Variants in MYLK3 observed in about 807,000 individuals in gnomAD.
The protein encoded by MYLK3 is myosin light chain kinase 3.
In MYLK3, 55 loss-of-function variants were observed where a neutral mutation model predicts 76.3. That is an observed-to-expected ratio of 0.72 (90% confidence interval 0.58 to 0.90). The LOEUF (loss-of-function observed/expected upper bound fraction) is 0.90, where lower values mean the gene tolerates loss of function less well. Ranked by LOEUF, MYLK3 falls within the 40% of genes least tolerant of loss-of-function variation. The pLI is 0.00. For missense variants in MYLK3, 973 were observed against 1,053.6 expected (o/e 0.92, Z 1.06); for synonymous variants, 416 against 425.4 (o/e 0.98, Z 0.27).
At chr16:46,724,233 T>C (rs1023307919) in intron 8 of MYLK3, among the ~76,000 whole-genome samples, 2 of 152,242 alleles carry the variant, frequency 1.3e-5, no homozygotes, top group African/African-American at 4.8e-5. Context: ...TTGGAAATAT[T>C]TTCTCCCATT....
intron 2 of MYLK3, among the ~76,000 whole-genome samples, chr16:46,739,527 A>T (rs541536698): frequency 6.6e-6 from 1 of 152,198 alleles, no homozygotes; most frequent in East Asian, 1.9e-4. Flanking sequence ...TCTGCCACCA[A>T]GACAACAAGA....
chr16:46,733,247 C>T (rs1966856359), intron 3 of MYLK3, among the ~76,000 whole-genome samples: 1 of 152,218 alleles, frequency 6.6e-6, no homozygotes, highest in Non-Finnish European at 1.5e-5. Flanking sequence ...CCCAGATACT[C>T]AGGAGGCTGA....
At chr16:46,757,229 G>A (rs1967212328) in intron 1 of MYLK3, among the ~76,000 whole-genome samples, 1 of 152,146 alleles carries the variant, frequency 6.6e-6, no homozygotes, top group South Asian at 2.1e-4. Flanking sequence ...ACCACACGAT[G>A]CATTTGTTGC....
At position 46,730,573 on chromosome 16, in the gene MYLK3, C is replaced by G. The variant is rs553714950; in HGVS notation, c.1568+20G>C. On this transcript the variant is annotated intron_variant, in intron 5 of 12. Coordinates refer to ENST00000394809, the MANE Select transcript of MYLK3 (RefSeq NM_182493.3). ...TGACTCCTGCTCTAAGCCCCCCAACCAAGGCAGATGCCCACCTACCCTCCC... is the reference window on the plus strand; with the variant it reads ...TGACTCCTGCTCTAAGCCCCCCAACGAAGGCAGATGCCCACCTACCCTCCC... 6.8e-6 allele frequency: 11 copies of G among 1,607,794 alleles called. No individual in the cohort carries two copies. The South Asian group carries it at 1.2e-4, about 18-fold the overall frequency.
intron 8 of MYLK3, 43 bp downstream of exon 8, chr16:46,727,193 A>T: frequency 6.3e-7 from 1 of 1,599,050 alleles, no homozygotes; most frequent in Middle Eastern, 1.7e-4. Flanking sequence ...GCCAGGAGCT[A>T]GGACACCAGG....
At chr16:46,717,820 CA>C (rs897993613) in intron 9 of MYLK3, among the ~76,000 whole-genome samples, 4 of 152,232 alleles carry the variant, frequency 2.6e-5, no homozygotes, top group African/African-American at 9.6e-5. Context: ...CTGCAGACAG[CA>C]AATCCTGTCC....
At chr16:46,710,501 A>C in intron 11 of MYLK3, 136 bp downstream of exon 11, 1 of 965,524 alleles carries the variant, frequency 1.0e-6, no homozygotes, top group Middle Eastern at 3.4e-4. Context: ...ATTTTTCCAA[A>C]GAAGTAGCAA....
At chr16:46,751,311 T>C (rs1179891734), upstream of MYLK3, among the ~76,000 whole-genome samples, 1 of 151,366 alleles carries the variant, frequency 6.6e-6, no homozygotes, top group Non-Finnish European at 1.5e-5. Context: ...CTCAGGAGGC[T>C]GAGGAGAATC....
rs1485699387 is a variant in MYLK3 at position 46,737,873 on chromosome 16, A to G, written c.839T>C (p.Val280Ala). ...TGCTCCTTGTCCTGCACCTGGTGCAACCTCCAGGCTCGGGGAGACCACATT... is the reference window on the plus strand; with the variant it reads ...TGCTCCTTGTCCTGCACCTGGTGCAGCCTCCAGGCTCGGGGAGACCACATT... The part of the protein sequence containing the change: ...RVNVVSPSLE[V>A]APGAGQGASS... Residue 280 changes from valine (V) to alanine (A), a missense_variant, in exon 3 of 13, where the codon GTT becomes GCT. This residue lies in a region of MYLK3 where 641 missense variants were observed against 637.0 expected (regional missense o/e 1.01). Transcript: ENST00000394809. The G allele has an allele frequency of 1.2e-6, 2 of 1,613,880 alleles. No individual in the cohort carries two copies. The highest frequency in any genetic ancestry group is 1.7e-5 in the Admixed American group (1 of 60,012).
chr16:46,727,425 C>A lies in MYLK3; in HGVS notation c.1773-48G>T, dbSNP rs775157137. 8 of 1,563,704 alleles carry A rather than the reference C, an allele frequency of 5.1e-6. No homozygotes were observed. The East Asian group carries it at 1.1e-4, about 22-fold the overall frequency. On this transcript the variant is annotated intron_variant, in intron 7 of 12. Coordinates refer to ENST00000394809, the MANE Select transcript of MYLK3 (RefSeq NM_182493.3). Reference sequence around the variant, plus strand: ...AGGCACCAGCCTAAGCAAGGCTCTTCAGGGCTTGTCCACTGTCATTATAGG... The same window carrying A: ...AGGCACCAGCCTAAGCAAGGCTCTTAAGGGCTTGTCCACTGTCATTATAGG...
intron 1 of MYLK3, among the ~76,000 whole-genome samples, chr16:46,753,990 G>A (rs572852823): frequency 5.3e-5 from 8 of 152,084 alleles, no homozygotes; most frequent in Non-Finnish European, 1.0e-4. Flanking sequence ...AAAAAGGAGA[G>A]GATGCTATGG....
intron 5 of MYLK3, 25 bp downstream of exon 5, chr16:46,730,568 C>A: frequency 6.3e-7 from 1 of 1,599,008 alleles, no homozygotes; most frequent in Non-Finnish European, 8.6e-7. Context: ...TCTAAGCCCC[C>A]CAACCAAGGC....
In MYLK3 at chr16:46,747,832, A is replaced by G; in HGVS notation, c.362T>C (p.Val121Ala). Residue 121 changes from valine (V) to alanine (A), a missense_variant, in exon 1 of 13, where the codon GTG (valine) becomes GCG (alanine). Around this residue, in one of 2 missense-constraint regions of MYLK3, gnomAD observed 641 missense variants for 637.0 expected, o/e 1.01. Coordinates refer to ENST00000394809, the MANE Select transcript of MYLK3 (RefSeq NM_182493.3). ...CCCCACCAAAGCGATGGCCCTGTCC[A>G]CCGCAGCCACCATCCTGAAGAGGGC... ...LEALFRMVAA[V>A]DRAIALVGAT... 2 of 1,614,116 alleles carry G rather than the reference A, an allele frequency of 1.2e-6. No homozygotes were observed. The highest frequency in any genetic ancestry group is 1.1e-5 in the South Asian group (1 of 91,090).
At chr16:46,716,665 T>G (rs1258518620) in intron 9 of MYLK3, among the ~76,000 whole-genome samples, 1 of 152,080 alleles carries the variant, frequency 6.6e-6, no homozygotes, top group Non-Finnish European at 1.5e-5. Flanking sequence ...GACTCTACTC[T>G]GACTGTGGAT....
intron 9 of MYLK3, among the ~76,000 whole-genome samples, chr16:46,719,258 C>T (rs1441479263): frequency 6.7e-6 from 1 of 150,352 alleles, no homozygotes; most frequent in Non-Finnish European, 1.5e-5. Flanking sequence ...ATCCAGGAGA[C>T]GGAGGTTGCA....
chr16:46,712,901 A>G (rs1029505319), intron 9 of MYLK3, 125 bp from the exon 10 acceptor site: 2 of 876,238 alleles, frequency 2.3e-6, no homozygotes, highest in African/African-American at 3.5e-5. Flanking sequence ...TGGACTCCAC[A>G]CCCACATTAC....
At position 46,703,686 on chromosome 16, in the gene MYLK3, A is replaced by C. The variant is rs1966598329; in HGVS notation, c.*4018T>G. 1 of 153,718 alleles carries C rather than the reference A, an allele frequency of 6.5e-6. No individual in the cohort carries two copies. The highest frequency in any genetic ancestry group is 1.5e-5 in the Non-Finnish European group (1 of 68,052). The allele number at this position is 153,718 out of a possible 1,614,324, so 9.5% of individuals were successfully genotyped here. A position where few individuals can be genotyped will look rare whatever the true frequency, so the allele number is the denominator to read the frequency against. On this transcript the variant is annotated 3_prime_UTR_variant, in exon 13 of 13. Coordinates refer to ENST00000394809, the MANE Select transcript of MYLK3 (RefSeq NM_182493.3). The stretch of plus-strand genomic sequence containing the variant: ...CTCAAATTTCAAAAAAAGGATGCTA[A>C]AATCCACATAGGTCACTTGTGTTGG...
intron 9 of MYLK3, among the ~76,000 whole-genome samples, chr16:46,717,594 C>T (rs1034859410): frequency 3.3e-5 from 5 of 151,958 alleles, no homozygotes; most frequent in Non-Finnish European, 5.9e-5. Context: ...CACAGGGCGC[C>T]CCCCCCACCT....
At chr16:46,728,466 A>G (rs902819881) in intron 7 of MYLK3, among the ~76,000 whole-genome samples, 6 of 152,214 alleles carry the variant, frequency 3.9e-5, no homozygotes, top group African/African-American at 1.4e-4. Flanking sequence ...CACACCTGTA[A>G]TCCCAGCACT....
Sources: allele counts gnomAD v4.1 joint callset (sites outside exome capture counted in the v4.1 genomes callset), GRCh38; gene constraint gnomAD v4.1.1; regional missense constraint gnomAD v4.1.1; transcripts MANE v1.5; gene names NCBI Gene and HGNC (gene_info 2026-07-23, HGNC 2026-07-21).